RFX1: variants seen among roughly 807,000 people sequenced by gnomAD.
RFX1 encodes regulatory factor X1.
RFX1 carries 42 observed loss-of-function variants against 119.6 expected under a neutral mutation model. The ratio of observed to expected loss-of-function variants is 0.35; its 90% confidence interval spans 0.27 to 0.45. The LOEUF is 0.45. Among genes scored for constraint, RFX1 ranks in the 20% least tolerant of loss-of-function variants. The pLI is 1.00. For synonymous variants in RFX1, 628 were observed against 618.5 expected (o/e 1.02, Z -0.23); for missense variants, 1,118 against 1,368.1 (o/e 0.82, Z 2.88).
At chr19:14,004,337 G>A (rs1217976128) in intron 1 of RFX1, among the ~76,000 whole-genome samples, 2 of 152,130 alleles carry the variant, frequency 1.3e-5, no homozygotes, top group South Asian at 2.1e-4. Flanking sequence ...GTGAAACCCC[G>A]TCTCTACTAA....
In RFX1 at chr19:13,969,910, G is replaced by T; in HGVS notation, c.1496+84C>A. 1 of 1,402,548 alleles carries T rather than the reference G, an allele frequency of 7.1e-7. No individual in the cohort carries two copies. Among genetic ancestry groups the T allele is most frequent in the Non-Finnish European group, 9.7e-7 (1 of 1,033,346 alleles). 86.9% of individuals were successfully genotyped at this position (1,402,548 alleles called of 1,614,324 possible). On this transcript the variant is annotated intron_variant, in intron 10 of 20. Transcript: ENST00000254325. The surrounding 1 kb of genome is among the most constrained non-coding windows in gnomAD (Gnocchi z 4.5). ...CGGCGGGACTGGGCTGGACTGGACT[G>T]CCTGAGATGACTCGGAGTGGGGGTG... is the stretch of plus-strand genomic sequence containing the variant.
At chr19:13,997,488 G>A (rs550894358) in intron 1 of RFX1, among the ~76,000 whole-genome samples, 4 of 152,234 alleles carry the variant, frequency 2.6e-5, no homozygotes, top group Non-Finnish European at 4.4e-5. Context: ...CTGTAAGCAC[G>A]CAGGAAATGG....
At chr19:13,982,307 G>T in intron 4 of RFX1, 79 bp from the exon 5 acceptor site, 1 of 766,094 alleles carries the variant, frequency 1.3e-6, no homozygotes, top group Non-Finnish European at 1.8e-6. Context: ...CGCAGTGCCA[G>T]GTGACATTCT....
In RFX1 at chr19:13,965,825, TG is replaced by T; in HGVS notation, c.1962-49del. 13 of 1,598,482 alleles carry T rather than the reference TG, an allele frequency of 8.1e-6. No homozygotes were observed. Among genetic ancestry groups the T allele is most frequent in the Non-Finnish European group, 1.1e-5 (13 of 1,172,230 alleles). On this transcript the variant is annotated intron_variant, in intron 14 of 20. Coordinates refer to ENST00000254325, the MANE Select transcript of RFX1 (RefSeq NM_002918.5). The surrounding 1 kb of genome is among the most constrained non-coding windows in gnomAD (Gnocchi z 4.7). ...GGGTCACTGGGGTACTCTATGGTCC[TG>T]CCCCCATCGTCAGAAGGGAACAGGT...
At chr19:13,994,871 T>C (rs541172576) in intron 1 of RFX1, among the ~76,000 whole-genome samples, 9 of 136,660 alleles carry the variant, frequency 6.6e-5, no homozygotes, top group Non-Finnish European at 9.2e-5. Context: ...ATATATTGTA[T>C]ATGTATATTG....
chr19:13,982,950 A>G lies in RFX1; in HGVS notation c.513+237T>C, dbSNP rs540317845. On this transcript the variant is annotated intron_variant, in intron 4 of 20. Coordinates refer to ENST00000254325, the MANE Select transcript of RFX1 (RefSeq NM_002918.5). ...GGTTGGACCCGCAAACCACCTTCCC[A>G]ACTATACATCTTGTTCTCTCTGCTG... 71 of 532,288 alleles carry G rather than the reference A, an allele frequency of 1.3e-4. 1 individual carries two copies. The South Asian group carries it at 1.7e-3, about 13-fold the overall frequency. The allele number at this position is 532,288 out of a possible 1,614,324, so 33.0% of individuals were successfully genotyped here.
intron 7 of RFX1, among the ~76,000 whole-genome samples, chr19:13,978,542 G>GTCCCCCACCTCCA (rs1974325610): frequency 6.6e-6 from 1 of 152,182 alleles, no homozygotes; most frequent in Non-Finnish European, 1.5e-5. Flanking sequence ...CGGGGCCTGA[G>GTCCCCCACCTCCA]TCCCCCACCT....
intron 1 of RFX1, among the ~76,000 whole-genome samples, chr19:13,994,893 CATATATATATATATATATATATA>C (rs1439338814): frequency 1.7e-5 from 1 of 59,306 alleles, no homozygotes; most frequent in East Asian, 6.8e-4. Context: ...AATATACATA[CATATATATATATATATATATATA>C]TATATATATA....
At chr19:13,976,353 G>C (rs1270562825) in intron 8 of RFX1, among the ~76,000 whole-genome samples, 2 of 152,234 alleles carry the variant, frequency 1.3e-5, no homozygotes, top group Admixed American at 1.3e-4. Flanking sequence ...GAAACCTCTG[G>C]AAACTAAACC....
chr19:13,994,893 C>CATACATACAT (rs58399098), intron 1 of RFX1, among the ~76,000 whole-genome samples: 1 of 59,302 alleles, frequency 1.7e-5, no homozygotes, highest in African/African-American at 5.7e-5. Context: ...AATATACATA[C>CATACATACAT]ATATATATAT....
chr19:13,993,871 T>G lies in RFX1; in HGVS notation c.-28A>C. 3 of 1,435,130 alleles carry G rather than the reference T, an allele frequency of 2.1e-6. No homozygotes were observed. The highest frequency in any genetic ancestry group is 1.4e-5 in the South Asian group (1 of 72,412). The allele number at this position is 1,435,130 out of a possible 1,614,324, so 88.9% of individuals were successfully genotyped here. On this transcript the variant is annotated 5_prime_UTR_variant, in exon 2 of 21. Coordinates refer to ENST00000254325, the MANE Select transcript of RFX1 (RefSeq NM_002918.5). ...CAACGGTGGGGAAAATGATAATAAA[T>G]AAGGCTTTTTTTTTTTTTTAATTCC...
chr19:13,965,578 G>A lies in RFX1; in HGVS notation c.2114-32C>T, dbSNP rs1318847766. ...GCGGTGGCGGGGGTCGGTCAGGGCAGGGCGGGTGTATGTGGGGCAGGGGAT... is the reference window on the plus strand; with the variant it reads ...GCGGTGGCGGGGGTCGGTCAGGGCAAGGCGGGTGTATGTGGGGCAGGGGAT... On this transcript the variant is annotated intron_variant, in intron 15 of 20. Transcript: ENST00000254325. This position sits in a 1 kb window ranked among gnomAD's most constrained non-coding sequence, Gnocchi z 4.7. 6.2e-7 allele frequency: 1 copy of A among 1,607,930 alleles called. No individual in the cohort carries two copies.
At position 13,969,480 on chromosome 19, in the gene RFX1, C is replaced by T. The variant is rs1014244481; in HGVS notation, c.1496+514G>A. Among the ~76,000 whole-genome samples the T allele has an allele frequency of 1.3e-5, 2 of 152,044 alleles. No homozygotes were observed. The highest frequency in any genetic ancestry group is 2.4e-5 in the African/African-American group (1 of 41,388). On this transcript the variant is annotated intron_variant, in intron 10 of 20. Transcript: ENST00000254325. This position sits in a 1 kb window ranked among gnomAD's most constrained non-coding sequence, Gnocchi z 4.5. ...CCAGCCTGGCCAACATAGCAAAGCC[C>T]TGTCTCTACTAAAATTATTTTTTAA...
Position 13,966,853 on chromosome 19 carries a change from G to A in RFX1, c.1733-102C>T. On this transcript the variant is annotated intron_variant, in intron 12 of 20. Coordinates refer to ENST00000254325, the MANE Select transcript of RFX1 (RefSeq NM_002918.5). This position sits in a 1 kb window ranked among gnomAD's most constrained non-coding sequence, Gnocchi z 6.3. ...TTCCCATCAGACTGGGGTCCCCCATGTGCCGGTGAGACAACGCTAGGTGGG... is the reference window on the plus strand; with the variant it reads ...TTCCCATCAGACTGGGGTCCCCCATATGCCGGTGAGACAACGCTAGGTGGG... 1.3e-6 allele frequency: 1 copy of A among 771,778 alleles called. No individual in the cohort carries two copies. Among genetic ancestry groups the A allele is most frequent in the Non-Finnish European group, 2.1e-6 (1 of 479,792 alleles). 47.8% of individuals were successfully genotyped at this position (771,778 alleles called of 1,614,324 possible). A position where few individuals can be genotyped will look rare whatever the true frequency, so the allele number is the denominator to read the frequency against.
Position 13,968,559 on chromosome 19 carries a change from T to G in RFX1, c.1732+6A>C. 6.2e-7 allele frequency: 1 copy of G among 1,609,764 alleles called. No homozygotes were observed. The highest frequency in any genetic ancestry group is 8.5e-7 in the Non-Finnish European group (1 of 1,176,644). ...GTTGGGGAAGCACGGGCCAGGGAGC[T>G]CTCACCCAAAAATTGCTGGTACTGC... On this transcript the variant is annotated splice_donor_region_variant and intron_variant, in intron 12 of 20. Coordinates refer to ENST00000254325, the MANE Select transcript of RFX1 (RefSeq NM_002918.5). This position sits in a 1 kb window ranked among gnomAD's most constrained non-coding sequence, Gnocchi z 5.5.
Position 13,963,961 on chromosome 19 carries a change from G to A in RFX1, c.2258C>T (p.Ser753Leu). 1 of 1,541,966 alleles carries A rather than the reference G, an allele frequency of 6.5e-7. No individual in the cohort carries two copies. The highest frequency in any genetic ancestry group is 8.7e-7 in the Non-Finnish European group (1 of 1,147,290). ...CGCCGCCTGCGCCAGGTGGTTGAGC[G>A]ACGTGTAGCGCCGCAGTGTCTGCGC... ...AFAQTLRRYT[S>L]LNHLAQAARA... Residue 753 changes from serine (S) to leucine (L), a missense_variant, in exon 17 of 21, where the codon TCG becomes TTG. Ser to Leu is a moderately radical substitution (Grantham distance 145). This residue lies in a region of RFX1 where 338 missense variants were observed against 508.9 expected (regional missense o/e 0.66). Transcript: ENST00000254325.
At position 13,986,789 on chromosome 19, in the gene RFX1, A is replaced by T. The variant is rs1243796731; in HGVS notation, c.320-3194T>A. On this transcript the variant is annotated intron_variant, in intron 2 of 20. Coordinates refer to ENST00000254325, the MANE Select transcript of RFX1 (RefSeq NM_002918.5). This position sits in a 1 kb window ranked among gnomAD's most constrained non-coding sequence, Gnocchi z 4.2. Reference sequence around the variant, plus strand: ...GCCCCGCACTTCCCCATCTAGACCTACTCAAACCTTAAATGAGCTACTTGG... The same window carrying T: ...GCCCCGCACTTCCCCATCTAGACCTTCTCAAACCTTAAATGAGCTACTTGG... Among the ~76,000 whole-genome samples, 2 of 151,854 alleles carry T rather than the reference A, an allele frequency of 1.3e-5. No individual in the cohort carries two copies. The highest frequency in any genetic ancestry group is 4.1e-4 in the South Asian group (2 of 4,822).
chr19:13,963,218 G>A lies in RFX1; in HGVS notation c.2628C>T (p.His876=), dbSNP rs897048322. The A allele has an allele frequency of 3.1e-6, 5 of 1,612,692 alleles. No individual in the cohort carries two copies. The highest frequency in any genetic ancestry group is 1.6e-4 in the Middle Eastern group (1 of 6,080). The change falls in exon 19 of 21, where the codon CAC becomes CAT. Residue 876 remains histidine (H), a synonymous_variant. Coordinates refer to ENST00000254325, the MANE Select transcript of RFX1 (RefSeq NM_002918.5). ...ACTCGTCGTAGAGCAGCCGGATGAG[G>A]TGGAAGGAACCGAAGCTGGCGGCGC... ...LRSAASFGSF[H]LIRLLYDEYM...
chr19:13,972,868 C>T lies in RFX1; in HGVS notation c.1189G>A (p.Gly397Arg), dbSNP rs746527383. Residue 397 changes from glycine to arginine, a missense_variant, in exon 9 of 21, where the codon GGG becomes AGG. Coordinates refer to ENST00000254325, the MANE Select transcript of RFX1 (RefSeq NM_002918.5). ...GGGGGGGGGG[G>R]GGSGSTGGGG... ...CCTCCGGTGCTGCCACTGCCACCCC[C>T]GCCACCGCCTCCCCCGCCGCCGCCG... 31 of 1,560,404 alleles carry T rather than the reference C, an allele frequency of 2.0e-5. No individual in the cohort carries two copies. The South Asian group carries it at 2.1e-4, about 11-fold the overall frequency.
Sources: allele counts gnomAD v4.1 joint callset (sites outside exome capture counted in the v4.1 genomes callset), GRCh38; gene constraint gnomAD v4.1.1; regional missense constraint gnomAD v4.1.1; non-coding constraint Gnocchi (gnomAD v3.1); transcripts MANE v1.5; gene names NCBI Gene and HGNC (gene_info 2026-07-23, HGNC 2026-07-21).